ACTR3B: variants seen among roughly 807,000 people sequenced by gnomAD.
ACTR3B encodes actin related protein 3B, also known as actin-related protein 3B.
ACTR3B carries 8 observed loss-of-function variants against 59.0 expected under a neutral mutation model. That is an observed-to-expected ratio of 0.14 (90% CI 0.08 to 0.24). The LOEUF is 0.24. Ranked by LOEUF, ACTR3B falls within the 10% of genes least tolerant of loss-of-function variation. The pLI, the probability that ACTR3B is intolerant of heterozygous loss-of-function variation, is 1.00. For synonymous variants in ACTR3B, 148 were observed against 197.9 expected, an observed-to-expected ratio of 0.75 and a Z score of 2.12; for missense variants, 245 against 552.3, an observed-to-expected ratio of 0.44 and a Z score of 5.58.
Position 152,847,200 on chromosome 7 carries a change from A to C in ACTR3B, c.952-4926A>C, listed in dbSNP as rs531489078. On this transcript the variant is annotated intron_variant, in intron 9 of 11. Coordinates refer to ENST00000256001, the MANE Select transcript of ACTR3B (RefSeq NM_020445.6). ...CGGGCTGTAGTCTGTAGTGAGCCCC[A>C]GTGTCCGGGCTGTAGTCTGCAGTGA... Among the ~76,000 whole-genome samples the C allele has an allele frequency of 4.5e-4, 68 of 150,984 alleles. 1 individual carries two copies. The highest frequency in any genetic ancestry group is 1.6e-3 in the African/African-American group (67 of 41,002).
chr7:152,795,761 T>G (rs2098214099), intron 2 of ACTR3B, among the ~76,000 whole-genome samples: 1 of 152,192 alleles, frequency 6.6e-6, no homozygotes, highest in African/African-American at 2.4e-5. Flanking sequence ...CTTATTTTTC[T>G]GAATTTACAT....
At chr7:152,795,870 G>T (rs1239936094) in intron 2 of ACTR3B, among the ~76,000 whole-genome samples, 2 of 149,952 alleles carry the variant, frequency 1.3e-5, no homozygotes, top group Non-Finnish European at 1.5e-5. Context: ...TGGAGGCGGT[G>T]TCTTGCTCTG....
intron 9 of ACTR3B, among the ~76,000 whole-genome samples, 197 bp from the exon 10 acceptor site, chr7:152,851,929 G>T (rs1161894975): frequency 1.3e-5 from 2 of 152,020 alleles, no homozygotes; most frequent in Non-Finnish European, 2.9e-5. Flanking sequence ...GGAGCCATCT[G>T]TGGCACATTG....
intron 2 of ACTR3B, among the ~76,000 whole-genome samples, chr7:152,793,665 G>A (rs2098205409): frequency 6.8e-6 from 1 of 147,776 alleles, no homozygotes; most frequent in Non-Finnish European, 1.5e-5. Context: ...TATAATGTCT[G>A]TGTTATCTCG....
chr7:152,812,819 G>C (rs1217731080), intron 4 of ACTR3B: 3 of 128,956 alleles, frequency 2.3e-5, no homozygotes, highest in African/African-American at 8.5e-5. Context: ...CTGTCGTAGG[G>C]GTGTATTAGT....
intron 2 of ACTR3B, among the ~76,000 whole-genome samples, chr7:152,796,635 T>G (rs2116707275): frequency 1.6e-5 from 2 of 125,572 alleles, no homozygotes; most frequent in East Asian, 5.0e-4. Flanking sequence ...GTCTGTGTGC[T>G]CATTCATGAA....
rs189983513 is a variant in ACTR3B, at chr7:152,835,709, T to G, written c.951+10587T>G. Among the ~76,000 whole-genome samples, 201 of 152,330 alleles carry G rather than the reference T, an allele frequency of 1.3e-3. 2 individuals are homozygous for G. The highest frequency in any genetic ancestry group is 4.8e-3 in the African/African-American group (198 of 41,572). On this transcript the variant is annotated intron_variant, in intron 9 of 11. Coordinates refer to ENST00000256001, the MANE Select transcript of ACTR3B (RefSeq NM_020445.6). Reference sequence around the variant, plus strand: ...GCGTCCTGACCACCCTGCTCTAGACTGCACCTCGGCGCTTTTTCCCACGTC... The same window carrying G: ...GCGTCCTGACCACCCTGCTCTAGACGGCACCTCGGCGCTTTTTCCCACGTC...
At chr7:152,815,082 C>T (rs1266571644) in intron 5 of ACTR3B, among the ~76,000 whole-genome samples, 2 of 151,288 alleles carry the variant, frequency 1.3e-5, no homozygotes, top group Admixed American at 1.3e-4. Flanking sequence ...TCTGAAGCTG[C>T]GGTTCTTGGT....
intron 9 of ACTR3B, among the ~76,000 whole-genome samples, chr7:152,842,835 A>C (rs1316082155): frequency 6.6e-6 from 1 of 152,170 alleles, no homozygotes; most frequent in African/African-American, 2.4e-5. Context: ...AGTTTTTCCA[A>C]AGTACTTACA....
intron 2 of ACTR3B, among the ~76,000 whole-genome samples, chr7:152,792,016 T>C (rs1032412525): frequency 1.2e-4 from 18 of 152,176 alleles, no homozygotes; most frequent in African/African-American, 4.3e-4. Context: ...CTCAGCCTCC[T>C]GAGTAGCTGG....
chr7:152,771,200 C>T (rs1178471222), intron 1 of ACTR3B, among the ~76,000 whole-genome samples: 1 of 152,164 alleles, frequency 6.6e-6, no homozygotes, highest in Non-Finnish European at 1.5e-5. Flanking sequence ...GGTGATCTGC[C>T]TGCCTCAGCC....
At chr7:152,822,530 G>A (rs1469880398) in intron 7 of ACTR3B, among the ~76,000 whole-genome samples, 2 of 152,292 alleles carry the variant, frequency 1.3e-5, no homozygotes, top group East Asian at 3.9e-4. Flanking sequence ...GCATCCTGGC[G>A]GCTTCAGTCC....
At chr7:152,809,053 C>A (rs865812597) in intron 4 of ACTR3B, among the ~76,000 whole-genome samples, 11 of 151,832 alleles carry the variant, frequency 7.2e-5, no homozygotes, top group African/African-American at 2.7e-4. Context: ...GTGTTCTGGG[C>A]ACTTCACTGC....
intron 2 of ACTR3B, among the ~76,000 whole-genome samples, chr7:152,797,128 T>C (rs1314185146): frequency 6.6e-6 from 1 of 152,180 alleles, no homozygotes; most frequent in Non-Finnish European, 1.5e-5. Flanking sequence ...GGTCTCACTC[T>C]GTTGCACAGG....
At chr7:152,845,700 G>A (rs1798216094) in intron 9 of ACTR3B, among the ~76,000 whole-genome samples, 1 of 152,212 alleles carries the variant, frequency 6.6e-6, no homozygotes. Context: ...TCGTGGGGTG[G>A]TGTGTGCAGC....
At chr7:152,815,606 G>C (rs961942806) in intron 5 of ACTR3B, among the ~76,000 whole-genome samples, 1 of 152,200 alleles carries the variant, frequency 6.6e-6, no homozygotes, top group Non-Finnish European at 1.5e-5. Context: ...CGTGTGCATT[G>C]CAGGGAGCGT....
intron 4 of ACTR3B, chr7:152,813,559 A>C (rs1264927172): frequency 6.6e-6 from 1 of 151,394 alleles, no homozygotes; most frequent in Non-Finnish European, 1.5e-5. Context: ...TGGAGACAGG[A>C]TCTTGCTCTG....
At chr7:152,843,837 TG>T (rs1473421592) in intron 9 of ACTR3B, among the ~76,000 whole-genome samples, 29 of 147,104 alleles carry the variant, frequency 2.0e-4, no homozygotes, top group African/African-American at 6.8e-4. Flanking sequence ...CGTAAAAGAA[TG>T]TTCTCAGTTT....
chr7:152,853,671 C>T, intron 11 of ACTR3B, 94 bp downstream of exon 11: 1 of 1,133,970 alleles, frequency 8.8e-7, no homozygotes, highest in East Asian at 2.6e-5. Context: ...TAGTGTGTGC[C>T]CTAATCGTGT....
Sources: allele counts gnomAD v4.1 joint callset (sites outside exome capture counted in the v4.1 genomes callset), GRCh38; gene constraint gnomAD v4.1.1; transcripts MANE v1.5; gene names NCBI Gene and HGNC (gene_info 2026-07-23, HGNC 2026-07-21).